TSPEAR: variants seen among roughly 807,000 people sequenced by gnomAD.
TSPEAR encodes the protein thrombospondin-type laminin G domain and EAR repeat-containing protein.
A neutral mutation model predicts 71.6 loss-of-function variants in TSPEAR; 69 were observed. The ratio of observed to expected loss-of-function variants is 0.96; its 90% CI spans 0.79 to 1.18. The LOEUF is 1.18. Ranked by LOEUF, TSPEAR falls within the 50% of genes most tolerant of loss-of-function variation. TSPEAR has a pLI of 0.00. For synonymous variants in TSPEAR, 402 were observed against 387.2 expected (o/e 1.04, Z -0.45); for missense variants, 971 against 894.9 (o/e 1.09, Z -1.09).
At chr21:44,587,110 CTGA>C (rs1601449485) in intron 1 of TSPEAR, among the ~76,000 whole-genome samples, 1 of 152,164 alleles carries the variant, frequency 6.6e-6, no homozygotes, top group African/African-American at 2.4e-5. Context: ...TCGCTGTTTG[CTGA>C]TGATATGATC....
chr21:44,588,905 A>G (rs1979547112), intron 1 of TSPEAR, among the ~76,000 whole-genome samples: 1 of 151,966 alleles, frequency 6.6e-6, no homozygotes, highest in Non-Finnish European at 1.5e-5. Context: ...CAGGAATGGA[A>G]AACCAAACAT....
rs781840856 is a variant in TSPEAR at position 44,574,713 on chromosome 21, G to A, written c.83-6708C>T. ...CTCCCAAAGCCAGCAGGGCTGCTGC[G>A]TGCCCGTCTGCTGCAAGCCTGTGAG... On this transcript the variant is annotated intron_variant, in intron 1 of 11. Coordinates refer to ENST00000323084, the MANE Select transcript of TSPEAR (RefSeq NM_144991.3). The A allele has an allele frequency of 1.2e-5, 20 of 1,608,590 alleles. No individual in the cohort carries two copies. Among genetic ancestry groups the A allele is most frequent in the South Asian group, 5.5e-5 (5 of 90,966 alleles).
chr21:44,599,567 AC>A (rs1384809176), intron 1 of TSPEAR, among the ~76,000 whole-genome samples: 1 of 152,336 alleles, frequency 6.6e-6, no homozygotes, highest in African/African-American at 2.4e-5. Flanking sequence ...CAGGGTTACT[AC>A]CCCTTCACTT....
chr21:44,539,877 A>C (rs1489345438), intron 2 of TSPEAR: 1 of 1,573,912 alleles, frequency 6.4e-7, no homozygotes, highest in Non-Finnish European at 8.6e-7. Flanking sequence ...CAGGGGGAGG[A>C]GGTGCAGCAA....
intron 2 of TSPEAR, among the ~76,000 whole-genome samples, chr21:44,548,553 TGAACACGTG>T: frequency 6.6e-6 from 1 of 150,982 alleles, no homozygotes; most frequent in African/African-American, 2.4e-5. Flanking sequence ...GGAGAACACG[TGAACACGTG>T]AACATGAGTG....
intron 2 of TSPEAR, among the ~76,000 whole-genome samples, chr21:44,544,736 G>C (rs1205849086): frequency 1.3e-5 from 2 of 152,150 alleles, no homozygotes; most frequent in African/African-American, 4.8e-5. Flanking sequence ...ATGGCCTGGT[G>C]GGGGAGGAGC....
intron 1 of TSPEAR, among the ~76,000 whole-genome samples, chr21:44,620,363 T>A (rs940433811): frequency 3.3e-5 from 5 of 152,228 alleles, no homozygotes; most frequent in African/African-American, 1.2e-4. Flanking sequence ...TAAAGCAATA[T>A]GAATGAAGAA....
chr21:44,628,060 C>A (rs374277192), intron 1 of TSPEAR: 4 of 1,605,056 alleles, frequency 2.5e-6, no homozygotes, highest in Middle Eastern at 1.7e-4. Context: ...ACGGTCATGT[C>A]CCCCAGGGCC....
At position 44,567,781 on chromosome 21, in the gene TSPEAR, T is replaced by C. The variant is rs375134151; in HGVS notation, c.303+4A>G. The stretch of plus-strand genomic sequence containing the variant: ...TAACACGAAGTGCAGAAAGTGCCAC[T>C]GACCTTGGGTGGAAGATTGGGAACT... On this transcript the variant is annotated splice_donor_region_variant and intron_variant, in intron 2 of 11. Coordinates refer to ENST00000323084, the MANE Select transcript of TSPEAR (RefSeq NM_144991.3). The C allele has an allele frequency of 2.6e-5, 41 of 1,554,140 alleles. No individual in the cohort carries two copies. The highest frequency in any genetic ancestry group is 1.7e-4 in the Admixed American group (9 of 51,672).
At position 44,710,842 on chromosome 21, in the gene TSPEAR, G is replaced by C. The variant is rs1167725693; in HGVS notation, c.82+591C>G. Among the ~76,000 whole-genome samples the C allele has an allele frequency of 6.6e-6, 1 of 152,204 alleles. No individual in the cohort carries two copies. The highest frequency in any genetic ancestry group is 1.5e-5 in the Non-Finnish European group (1 of 68,038). On this transcript the variant is annotated intron_variant, in intron 1 of 11. Coordinates refer to ENST00000323084, the MANE Select transcript of TSPEAR (RefSeq NM_144991.3). This position sits in a 1 kb window ranked among gnomAD's most constrained non-coding sequence, Gnocchi z 4.6. Reference sequence around the variant, plus strand: ...GGTGGGAAGGAGACCCCCAGGCTTCGCCAGGACCCCCCAGTGAGCCAGCCC... The same window carrying C: ...GGTGGGAAGGAGACCCCCAGGCTTCCCCAGGACCCCCCAGTGAGCCAGCCC...
chr21:44,549,522 AG>A (rs2053363646), intron 2 of TSPEAR, among the ~76,000 whole-genome samples: 1 of 152,292 alleles, frequency 6.6e-6, no homozygotes, highest in Non-Finnish European at 1.5e-5. Flanking sequence ...GACAAAAAAA[AG>A]AATAATGTGT....
intron 1 of TSPEAR, chr21:44,702,668 C>CCTGTTGTG: frequency 1.3e-6 from 2 of 1,566,424 alleles, no homozygotes; most frequent in Non-Finnish European, 1.8e-6. Context: ...CCCGTCCCCT[C>CCTGTTGTG]CTGTTGTGCA....
At chr21:44,669,655 C>T (rs1378427744) in intron 1 of TSPEAR, among the ~76,000 whole-genome samples, 1 of 152,120 alleles carries the variant, frequency 6.6e-6, no homozygotes, top group African/African-American at 2.4e-5. Context: ...GGTTCCAGCA[C>T]ACTCCATTGC....
intron 1 of TSPEAR, among the ~76,000 whole-genome samples, chr21:44,607,948 C>G (rs946399624): frequency 6.6e-6 from 1 of 152,122 alleles, no homozygotes; most frequent in Non-Finnish European, 1.5e-5. Context: ...ATGTGTCCAT[C>G]GACACATGGG....
intron 1 of TSPEAR, among the ~76,000 whole-genome samples, chr21:44,682,615 C>G (rs1204924526): frequency 3.3e-5 from 5 of 152,214 alleles, no homozygotes. Context: ...ATCAACTATA[C>G]AGTTGAGATT....
At chr21:44,673,451 T>A (rs1158133515) in intron 1 of TSPEAR, among the ~76,000 whole-genome samples, 1 of 152,206 alleles carries the variant, frequency 6.6e-6, no homozygotes, top group Admixed American at 6.5e-5. Context: ...AAGAGTCTGA[T>A]ATACAAGCAA....
intron 1 of TSPEAR, among the ~76,000 whole-genome samples, chr21:44,592,938 C>T (rs1555927130): frequency 6.6e-6 from 1 of 152,198 alleles, no homozygotes; most frequent in Admixed American, 6.5e-5. Context: ...CAACCTGGGG[C>T]CCATGAGCCT....
In TSPEAR at chr21:44,499,894, G is replaced by A. The variant is rs782519406; in HGVS notation, c.1899C>T (p.Pro633=). Residue 633 remains proline, a synonymous_variant, in exon 12 of 12, where the codon CCC becomes CCT. Coordinates refer to ENST00000323084, the MANE Select transcript of TSPEAR (RefSeq NM_144991.3). ...CCTCCCAGTCCCTGCAGCCGACGGTGGGGAGGCTGTGCACCGCCACGAAGC... is the reference window on the plus strand; with the variant it reads ...CCTCCCAGTCCCTGCAGCCGACGGTAGGGAGGCTGTGCACCGCCACGAAGC... ...YEGFVAVHSL[P]TVGCRDWEAF... 9 of 1,607,644 alleles carry A rather than the reference G, an allele frequency of 5.6e-6. No individual in the cohort carries two copies. In the East Asian group the frequency reaches 1.6e-4, roughly 28 times the overall value.
chr21:44,507,177 C>CG (rs1406761376), intron 10 of TSPEAR: 5 of 151,894 alleles, frequency 3.3e-5, no homozygotes, highest in Admixed American at 6.5e-5. Flanking sequence ...GAAGTGGGCC[C>CG]GGGGGTGCCC....
Sources: allele counts gnomAD v4.1 joint callset (sites outside exome capture counted in the v4.1 genomes callset), GRCh38; gene constraint gnomAD v4.1.1; non-coding constraint Gnocchi (gnomAD v3.1); transcripts MANE v1.5; gene names NCBI Gene and HGNC (gene_info 2026-07-23, HGNC 2026-07-21).